FABP7: variants seen among roughly 807,000 people sequenced by gnomAD.
FABP7 encodes fatty acid-binding protein, brain.
A neutral mutation model predicts 14.2 loss-of-function variants in FABP7; 13 were observed. The observed-to-expected ratio is 0.91, with a 90% confidence interval of 0.59 to 1.45. The LOEUF is 1.45. Among genes scored for constraint, FABP7 ranks in the 40% most tolerant of loss-of-function variants. FABP7 has a pLI of 0.00. For synonymous variants in FABP7, 49 were observed against 51.4 expected (o/e 0.95, Z 0.20); for missense variants, 149 against 157.6 (o/e 0.95, Z 0.29).
At chr6:122,752,180 AT>A in the FABP7 span, among the ~76,000 whole-genome samples, 1 of 152,220 alleles carries the variant, frequency 6.6e-6, no homozygotes, top group African/African-American at 2.4e-5. Context: ...ATATAAAAAA[AT>A]CAATGATTTA....
the FABP7 span, among the ~76,000 whole-genome samples, chr6:122,756,503 C>T: frequency 6.6e-6 from 1 of 152,224 alleles, no homozygotes; most frequent in African/African-American, 2.4e-5. Context: ...ATATAATCTG[C>T]ATTCTACTCT....
chr6:122,772,360 G>C, the FABP7 span, among the ~76,000 whole-genome samples: 2 of 152,040 alleles, frequency 1.3e-5, no homozygotes, highest in South Asian at 4.1e-4. Flanking sequence ...AAAAACTGCA[G>C]AAAATAGTAG....
At chr6:122,783,684 TA>T in intron 3 of FABP7, 32 bp from the exon 4 acceptor site, 1 of 1,566,054 alleles carries the variant, frequency 6.4e-7, no homozygotes, top group Non-Finnish European at 8.6e-7. Context: ...AGTTCCTGTA[TA>T]AAAAGATTTG....
upstream of FABP7, among the ~76,000 whole-genome samples, chr6:122,775,347 G>A (rs1780653290): frequency 6.6e-6 from 1 of 151,890 alleles, no homozygotes; most frequent in Non-Finnish European, 1.5e-5. Flanking sequence ...AGAGTACACA[G>A]AAAAAGTTTT....
chr6:122,755,153 GC>G, the FABP7 span, among the ~76,000 whole-genome samples: 1 of 151,842 alleles, frequency 6.6e-6, no homozygotes, highest in East Asian at 1.9e-4. Flanking sequence ...TGGCTTATAT[GC>G]CATGATCTAT....
chr6:122,782,600 G>A, intron 3 of FABP7: 1 of 985,394 alleles, frequency 1.0e-6, no homozygotes, highest in Non-Finnish European at 1.2e-6. Context: ...ACCTGCAATG[G>A]TATATTGATG....
the FABP7 span, among the ~76,000 whole-genome samples, chr6:122,752,088 C>T: frequency 6.6e-6 from 1 of 150,376 alleles, no homozygotes; most frequent in Non-Finnish European, 1.5e-5. Flanking sequence ...CCACCACCAT[C>T]TCCCAATTTT....
At chr6:122,749,502 G>T in the FABP7 span, among the ~76,000 whole-genome samples, 1 of 152,068 alleles carries the variant, frequency 6.6e-6, no homozygotes, top group East Asian at 1.9e-4. Flanking sequence ...AAGTGTCTTT[G>T]TTTCTTAAGG....
At chr6:122,760,080 G>A in the FABP7 span, among the ~76,000 whole-genome samples, 21 of 150,432 alleles carry the variant, frequency 1.4e-4, no homozygotes, top group South Asian at 4.2e-4. Flanking sequence ...CAGTCTGGGC[G>A]ACAGAGCGAG....
At chr6:122,782,334 C>A in intron 3 of FABP7, 1 of 512,864 alleles carries the variant, frequency 1.9e-6, no homozygotes, top group Non-Finnish European at 2.5e-6. Flanking sequence ...TGTTGCCATC[C>A]TTCTGCGGGC....
the FABP7 span, among the ~76,000 whole-genome samples, chr6:122,755,188 A>G: frequency 3.3e-5 from 5 of 152,100 alleles, no homozygotes; most frequent in African/African-American, 7.2e-5. Flanking sequence ...TGCATATATC[A>G]TAAAGTCACT....
the FABP7 span, among the ~76,000 whole-genome samples, chr6:122,765,252 T>C: frequency 6.6e-6 from 1 of 152,174 alleles, no homozygotes; most frequent in Non-Finnish European, 1.5e-5. Flanking sequence ...TTTTCACTTA[T>C]GTTTTATATT....
the FABP7 span, among the ~76,000 whole-genome samples, chr6:122,761,346 A>G: frequency 6.6e-6 from 1 of 152,220 alleles, no homozygotes; most frequent in Non-Finnish European, 1.5e-5. Context: ...ATCCAGAGTA[A>G]CACTGTGATT....
Position 122,781,139 on chromosome 6 carries a change from G to A in FABP7, c.293G>A (p.Trp98Ter). ...GACAAACTTGTTCACATACAGAAAT[G>A]GGATGGCAAAGAAACAAATTTTGTA... ...DGDKLVHIQK[W>*]DGKETNFVRE... is the part of the protein sequence containing the mutation. Residue 98 changes from tryptophan (W) to a stop codon, truncating the protein, a stop_gained, in exon 3 of 4, where the codon TGG becomes TAG. Transcript: ENST00000368444. LOFTEE classifies it high-confidence loss of function. 7 of 1,613,938 alleles carry A rather than the reference G, an allele frequency of 4.3e-6. No individual in the cohort carries two copies. Among genetic ancestry groups the A allele is most frequent in the Non-Finnish European group, 5.9e-6 (7 of 1,179,916 alleles).
the FABP7 span, among the ~76,000 whole-genome samples, chr6:122,756,672 T>C: frequency 6.6e-6 from 1 of 152,226 alleles, no homozygotes; most frequent in Non-Finnish European, 1.5e-5. Context: ...TACATCCCGT[T>C]TGTCTCTTCT....
the FABP7 span, among the ~76,000 whole-genome samples, chr6:122,758,425 C>T: frequency 2.2e-3 from 339 of 152,256 alleles, 2 homozygotes; most frequent in African/African-American, 7.8e-3. Flanking sequence ...GTCTGTAAAA[C>T]AACTGAGGAT....
upstream of FABP7, among the ~76,000 whole-genome samples, chr6:122,775,044 A>C (rs1780647826): frequency 6.6e-6 from 1 of 152,160 alleles, no homozygotes; most frequent in South Asian, 2.1e-4. Context: ...CATGTTCATG[A>C]ATTAGAAAAA....
chr6:122,776,668 T>A (rs961839162), upstream of FABP7, among the ~76,000 whole-genome samples: 3 of 152,148 alleles, frequency 2.0e-5, no homozygotes, highest in African/African-American at 7.2e-5. Context: ...TAGAAAAGAA[T>A]ATTTAGAATG....
upstream of FABP7, among the ~76,000 whole-genome samples, chr6:122,776,206 A>G (rs939369012): frequency 5.3e-5 from 8 of 152,178 alleles, no homozygotes; most frequent in African/African-American, 1.9e-4. Flanking sequence ...TCAGTATATC[A>G]AAGAGTTATC....
Sources: gnomAD v4.1 joint callset for allele counts (sites outside exome capture counted in the v4.1 genomes callset) on GRCh38, gnomAD v4.1.1 for gene constraint, MANE v1.5 for transcripts, NCBI Gene and HGNC (gene_info 2026-07-23, HGNC 2026-07-21) for gene names.